The following MYT1L variants were observed in gnomAD, a reference collection of about 807,000 sequenced individuals.
MYT1L encodes myelin transcription factor 1 like.
A neutral mutation model predicts 126.7 loss-of-function variants in MYT1L; 12 were observed. The observed-to-expected ratio is 0.09, with a 90% CI of 0.06 to 0.15. The LOEUF is 0.15. Ranked by LOEUF, MYT1L falls within the 10% of genes least tolerant of loss-of-function variation. The probability of loss-of-function intolerance (pLI) is 1.00; values close to 1 mark genes in which losing one functional copy is unlikely to be tolerated. For missense variants in MYT1L, 979 were observed against 1,585.2 expected, an observed-to-expected ratio of 0.62 and a Z score of 6.49; for synonymous variants, 541 against 604.2, an observed-to-expected ratio of 0.90 and a Z score of 1.53.
chr2:1,993,613 G>A (rs1254169813), intron 5 of MYT1L, among the ~76,000 whole-genome samples: 1 of 152,082 alleles, frequency 6.6e-6, no homozygotes, highest in Non-Finnish European at 1.5e-5. Context: ...TTACTAACAA[G>A]GCTTATGTTG....
chr2:2,015,870 GA>G (rs1309916330), intron 4 of MYT1L, among the ~76,000 whole-genome samples: 1 of 152,190 alleles, frequency 6.6e-6, no homozygotes, highest in Non-Finnish European at 1.5e-5. Context: ...TACAAAGTGA[GA>G]TTCCGGCAAG....
chr2:2,317,239 C>T (rs926804574), intron 1 of MYT1L, among the ~76,000 whole-genome samples: 1 of 152,138 alleles, frequency 6.6e-6, no homozygotes, highest in African/African-American at 2.4e-5. Flanking sequence ...ACTCTAAATA[C>T]TCAGGTTCCT....
chr2:1,978,692 C>G (rs2060363456), intron 8 of MYT1L, among the ~76,000 whole-genome samples: 1 of 152,140 alleles, frequency 6.6e-6, no homozygotes, highest in Non-Finnish European at 1.5e-5. Context: ...CTGCAGCCGT[C>G]CAGATGTAAG....
intron 4 of MYT1L, among the ~76,000 whole-genome samples, chr2:2,006,404 G>T (rs1247292401): frequency 1.3e-5 from 2 of 152,032 alleles, no homozygotes. Context: ...AGTTAGCAAA[G>T]CCTCCAACAC....
In MYT1L at chr2:1,910,738, GACTGTT is replaced by G. The variant is rs1231924428; in HGVS notation, c.1710-397_1710-392del. 1.4e-4 allele frequency among the ~76,000 whole-genome samples: 21 copies of G among 152,276 alleles called. No homozygotes were observed. The East Asian group carries it at 4.1e-3, about 29-fold the overall frequency. ...TGAAGCCCCAGAATGGCAATGAATT[GACTGTT>G]ACCAGAAGATGGAGCTCCAAGCTGA... On this transcript the variant is annotated intron_variant, in intron 12 of 24. Coordinates refer to ENST00000647738, the MANE Select transcript of MYT1L (RefSeq NM_001303052.2). The surrounding 1 kb of genome is among the most constrained non-coding windows in gnomAD (Gnocchi z 4.8).
At chr2:1,891,092 C>T (rs571720801) in intron 15 of MYT1L, among the ~76,000 whole-genome samples, 13 of 152,106 alleles carry the variant, frequency 8.5e-5, no homozygotes, top group Admixed American at 6.5e-4. Context: ...ACTGCATGCA[C>T]CTGACTCTTC....
Position 1,917,170 on chromosome 2 carries a change from G to A in MYT1L, c.1618+35C>T. 3 of 1,595,864 alleles carry A rather than the reference G, an allele frequency of 1.9e-6. No homozygotes were observed. The highest frequency in any genetic ancestry group is 2.6e-6 in the Non-Finnish European group (3 of 1,167,028). ...GACAGAGACAGAGTCATGGGTGTTT[G>A]CACCCCCAAGGGTAGCGGTGAGACG... On this transcript the variant is annotated intron_variant, in intron 11 of 24. Transcript: ENST00000647738. This position sits in a 1 kb window ranked among gnomAD's most constrained non-coding sequence, Gnocchi z 5.9.
intron 3 of MYT1L, among the ~76,000 whole-genome samples, chr2:2,155,033 A>G (rs923371942): frequency 2.6e-5 from 4 of 152,152 alleles, no homozygotes; most frequent in African/African-American, 9.7e-5. Context: ...AGGCTGAGGC[A>G]GGAGAATCTC....
chr2:1,877,695 G>A (rs1050924698), intron 18 of MYT1L, among the ~76,000 whole-genome samples: 31 of 152,168 alleles, frequency 2.0e-4, no homozygotes, highest in South Asian at 4.2e-4. Flanking sequence ...GGTTCCGGGC[G>A]CGGCCATGGC....
At chr2:1,867,376 C>A (rs1322284638) in intron 18 of MYT1L, among the ~76,000 whole-genome samples, 2 of 152,142 alleles carry the variant, frequency 1.3e-5, no homozygotes, top group African/African-American at 2.4e-5. Flanking sequence ...CACCCCGGTG[C>A]CCCACAGCGC....
intron 3 of MYT1L, among the ~76,000 whole-genome samples, chr2:2,159,682 T>C (rs1457028462): frequency 6.6e-6 from 1 of 151,944 alleles, no homozygotes; most frequent in Non-Finnish European, 1.5e-5. Flanking sequence ...GAATATCTCT[T>C]CAAAGGACAG....
chr2:1,847,321 C>T (rs1205447405), intron 19 of MYT1L, among the ~76,000 whole-genome samples: 1 of 152,178 alleles, frequency 6.6e-6, no homozygotes, highest in Non-Finnish European at 1.5e-5. Context: ...AGAGGCCATT[C>T]GGGAACCGTA....
chr2:2,244,415 T>C (rs867588804), intron 2 of MYT1L, among the ~76,000 whole-genome samples: 5 of 152,212 alleles, frequency 3.3e-5, no homozygotes, highest in South Asian at 2.1e-4. Flanking sequence ...CAGTGCTTTA[T>C]GGTATGTAAA....
intron 3 of MYT1L, among the ~76,000 whole-genome samples, chr2:2,086,743 T>C (rs958163066): frequency 6.6e-6 from 1 of 152,186 alleles, no homozygotes; most frequent in Admixed American, 6.5e-5. Context: ...ACAAAGGGCT[T>C]GTTTACGTAG....
intron 8 of MYT1L, among the ~76,000 whole-genome samples, chr2:1,951,691 A>C (rs2057765251): frequency 6.6e-6 from 1 of 152,230 alleles, no homozygotes; most frequent in Non-Finnish European, 1.5e-5. Context: ...GATGAAGGGT[A>C]GTGCCCATGC....
At position 2,202,641 on chromosome 2, in the gene MYT1L, A is replaced by G. The variant is rs530256003; in HGVS notation, c.-420-29653T>C. ...TGAGGCAATAATTAATAGCTTACCA[A>G]CCAAAAAATGTTCAGGACCAGATGG... On this transcript the variant is annotated intron_variant, in intron 2 of 24. Coordinates refer to ENST00000647738, the MANE Select transcript of MYT1L (RefSeq NM_001303052.2). Among the ~76,000 whole-genome samples the G allele has an allele frequency of 5.5e-4, 84 of 152,314 alleles. 1 individual carries two copies. Among genetic ancestry groups the G allele is most frequent in the African/African-American group, 1.9e-3 (80 of 41,572 alleles).
rs182271821 is a variant in MYT1L at position 1,821,001 on chromosome 2, C to T, written c.3081-11834G>A. The stretch of plus-strand genomic sequence containing the variant: ...CTCCTGAACAAGAGTTTCTAGGCTG[C>T]CTGTCTGCCCTACAGATTTTGGACT... On this transcript the variant is annotated intron_variant, in intron 21 of 24. Transcript: ENST00000647738. Among the ~76,000 whole-genome samples, 295 of 152,314 alleles carry T rather than the reference C, an allele frequency of 1.9e-3. 1 individual carries two copies. Among genetic ancestry groups the T allele is most frequent in the Non-Finnish European group, 3.2e-3 (221 of 68,042 alleles).
intron 21 of MYT1L, among the ~76,000 whole-genome samples, chr2:1,810,251 C>T (rs1348226675): frequency 3.3e-5 from 5 of 151,876 alleles, no homozygotes; most frequent in South Asian, 4.2e-4. Context: ...CTCAGCCTCC[C>T]GATTACAGAA....
intron 14 of MYT1L, among the ~76,000 whole-genome samples, chr2:1,897,704 C>T (rs1466158174): frequency 6.6e-6 from 1 of 152,190 alleles, no homozygotes; most frequent in East Asian, 1.9e-4. Flanking sequence ...TTCAGGTGAT[C>T]TGCCTGCCTT....
Sources: gnomAD v4.1 joint callset for allele counts (sites outside exome capture counted in the v4.1 genomes callset) on GRCh38, gnomAD v4.1.1 for gene constraint, Gnocchi (gnomAD v3.1) non-coding constraint, MANE v1.5 for transcripts, NCBI Gene and HGNC (gene_info 2026-07-23, HGNC 2026-07-21) for gene names.